The following ROCK2 variants were observed in gnomAD, a reference collection of about 807,000 sequenced individuals.
The protein encoded by ROCK2 is rho-associated protein kinase 2.
In ROCK2, 61 loss-of-function variants were observed where a neutral mutation model predicts 195.1. The observed-to-expected ratio is 0.31, with a 90% confidence interval of 0.25 to 0.39. The LOEUF (loss-of-function observed/expected upper bound fraction) is 0.39. ROCK2 is among the 10% of genes least tolerant of loss of function. ROCK2 has a pLI of 1.00. For synonymous variants in ROCK2, 504 were observed against 545.5 expected, an observed-to-expected ratio of 0.92 and a Z score of 1.06; for missense variants, 1,109 against 1,637.4, an observed-to-expected ratio of 0.68 and a Z score of 5.57.
At chr2:11,202,219 G>C in intron 20 of ROCK2, 98 bp from the exon 21 acceptor site, 2 of 946,376 alleles carry the variant, frequency 2.1e-6, no homozygotes, top group East Asian at 4.8e-5. Flanking sequence ...GAGTCTCTGA[G>C]GTTCTTCCAC....
intron 1 of ROCK2, chr2:11,308,839 A>T: frequency 6.2e-7 from 1 of 1,611,706 alleles, no homozygotes; most frequent in Non-Finnish European, 8.5e-7. Flanking sequence ...CAAATGTAAT[A>T]GAACTATACA....
chr2:11,309,063 C>G (rs1038739117), intron 1 of ROCK2: 8 of 1,418,744 alleles, frequency 5.6e-6, no homozygotes, highest in Non-Finnish European at 7.6e-6. Context: ...ACCAGTAGGC[C>G]GGAGGGAGTC....
intron 1 of ROCK2, among the ~76,000 whole-genome samples, chr2:11,322,910 T>C (rs1668443169): frequency 6.6e-6 from 1 of 152,176 alleles, no homozygotes; most frequent in Admixed American, 6.5e-5. Flanking sequence ...AGATAAGTTC[T>C]TAATCATTAT....
At chr2:11,249,969 TAAC>T (rs1014513457) in intron 3 of ROCK2, among the ~76,000 whole-genome samples, 171 bp from the exon 4 acceptor site, 15 of 152,190 alleles carry the variant, frequency 9.9e-5, no homozygotes, top group Non-Finnish European at 2.9e-5. Flanking sequence ...AGAACATTTC[TAAC>T]AACCTAAGTA....
intron 1 of ROCK2, among the ~76,000 whole-genome samples, chr2:11,298,492 A>G (rs982380587): frequency 1.3e-5 from 2 of 150,284 alleles, no homozygotes; most frequent in Non-Finnish European, 3.0e-5. Context: ...AAAAAAAAAA[A>G]CCACACACAG....
At chr2:11,185,703 T>A (rs1224327726) in intron 32 of ROCK2, among the ~76,000 whole-genome samples, 4 of 152,112 alleles carry the variant, frequency 2.6e-5, no homozygotes, top group Non-Finnish European at 5.9e-5. Flanking sequence ...CACTCCAGCC[T>A]GGGGAACAAG....
intron 30 of ROCK2, among the ~76,000 whole-genome samples, chr2:11,193,251 G>A (rs1663501072): frequency 1.3e-5 from 2 of 152,122 alleles, no homozygotes; most frequent in African/African-American, 4.8e-5. Context: ...AAAACAAGGA[G>A]CCAACTTCCA....
chr2:11,314,273 A>G (rs72789531), intron 1 of ROCK2, among the ~76,000 whole-genome samples: 6,458 of 151,754 alleles, frequency 0.043, 277 homozygotes, highest in Non-Finnish European at 0.06. Flanking sequence ...AATGTTTTCT[A>G]ATTTGCTGCT....
intron 1 of ROCK2, among the ~76,000 whole-genome samples, chr2:11,296,712 T>A (rs759948390): frequency 5.3e-5 from 8 of 152,174 alleles, no homozygotes; most frequent in Non-Finnish European, 7.4e-5. Flanking sequence ...CCAAAAACAG[T>A]TCCATCACTA....
intron 3 of ROCK2, among the ~76,000 whole-genome samples, chr2:11,285,540 A>G (rs1300981896): frequency 1.3e-5 from 2 of 152,142 alleles, no homozygotes; most frequent in Non-Finnish European, 2.9e-5. Context: ...TAAACCTATC[A>G]AGAAAGGCAC....
In ROCK2 at chr2:11,218,482, C is replaced by G. The variant is rs770373462; in HGVS notation, c.1321-16G>C. The stretch of plus-strand genomic sequence containing the variant: ...CTTGACTTTCCTATTTAAAACAAAA[C>G]AGAAAACACATTAAAATACTAAAAT... On this transcript the variant is annotated splice_polypyrimidine_tract_variant and intron_variant, in intron 10 of 32. Coordinates refer to ENST00000315872, the MANE Select transcript of ROCK2 (RefSeq NM_004850.5). 1.3e-6 allele frequency: 2 copies of G among 1,495,206 alleles called. No homozygotes were observed. Among genetic ancestry groups the G allele is most frequent in the Middle Eastern group, 1.7e-4 (1 of 5,770 alleles). 92.6% of individuals were successfully genotyped at this position (1,495,206 alleles called of 1,614,324 possible).
At chr2:11,251,529 A>C (rs111924820) in intron 3 of ROCK2, among the ~76,000 whole-genome samples, 6,530 of 152,328 alleles carry the variant, frequency 0.043, 461 homozygotes, top group African/African-American at 0.15. Flanking sequence ...TGGATTAGAG[A>C]CTTAAATGTA....
chr2:11,282,509 T>C (rs952497462), intron 3 of ROCK2, among the ~76,000 whole-genome samples: 3 of 148,024 alleles, frequency 2.0e-5, no homozygotes, highest in East Asian at 2.0e-4. Flanking sequence ...AGCCCAGAAA[T>C]AGACCCACAT....
In ROCK2 at chr2:11,215,092, A is replaced by T; in HGVS notation, c.1690-6T>A. ...AAAGCATTGGTTTCATCCAGCTGTT[A>T]TTCCATTCAAAACCAAACAACAACA... is the stretch of plus-strand genomic sequence containing the variant. On this transcript the variant is annotated splice_region_variant and splice_polypyrimidine_tract_variant and intron_variant, in intron 15 of 32. Transcript: ENST00000315872. 6.2e-7 allele frequency: 1 copy of T among 1,613,800 alleles called. No homozygotes were observed.
intron 3 of ROCK2, among the ~76,000 whole-genome samples, chr2:11,283,438 G>C (rs1667079557): frequency 6.7e-6 from 1 of 150,056 alleles, no homozygotes; most frequent in Non-Finnish European, 1.5e-5. Flanking sequence ...GCGGGCGCCT[G>C]TAGTCCCAGC....
chr2:11,205,034 T>C (rs1664000070), intron 20 of ROCK2, among the ~76,000 whole-genome samples: 1 of 152,190 alleles, frequency 6.6e-6, no homozygotes, highest in Non-Finnish European at 1.5e-5. Context: ...ACTGGCAAGC[T>C]TCAGTTTAAG....
intron 1 of ROCK2, among the ~76,000 whole-genome samples, chr2:11,335,624 C>G (rs574567929): frequency 1.3e-5 from 2 of 152,224 alleles, no homozygotes; most frequent in East Asian, 3.9e-4. Context: ...AATCATTAAA[C>G]CTTTTTTCTC....
intron 1 of ROCK2, among the ~76,000 whole-genome samples, chr2:11,290,067 T>A (rs1460926297): frequency 6.6e-6 from 1 of 152,188 alleles, no homozygotes; most frequent in Admixed American, 6.5e-5. Flanking sequence ...ACGTTTATAA[T>A]TTTTACAATC....
chr2:11,303,846 T>C (rs201251997), intron 1 of ROCK2, among the ~76,000 whole-genome samples: 1 of 152,014 alleles, frequency 6.6e-6, no homozygotes, highest in Non-Finnish European at 1.5e-5. Context: ...AATGATCATG[T>C]CTCAGTTCAC....
Sources: gnomAD v4.1 joint callset for allele counts (sites outside exome capture counted in the v4.1 genomes callset) on GRCh38, gnomAD v4.1.1 for gene constraint, MANE v1.5 for transcripts, NCBI Gene and HGNC (gene_info 2026-07-23, HGNC 2026-07-21) for gene names.